The following GPC5 variants were observed in gnomAD, a reference collection of about 807,000 sequenced individuals.
GPC5 encodes glypican 5.
GPC5 carries 47 observed loss-of-function variants against 53.9 expected under a neutral mutation model. The ratio of observed to expected loss-of-function variants is 0.87; its 90% CI spans 0.69 to 1.11. The LOEUF (loss-of-function observed/expected upper bound fraction) is 1.11, where lower values mean the gene tolerates loss of function less well. Ranked by LOEUF, GPC5 falls within the 50% of genes most tolerant of loss-of-function variation. GPC5 has a pLI of 0.00. For missense variants in GPC5, 748 were observed against 713.1 expected (o/e 1.05, Z -0.56); for synonymous variants, 286 against 263.3 (o/e 1.09, Z -0.84).
At chr13:92,027,507 T>C (rs2040809724) in intron 6 of GPC5, among the ~76,000 whole-genome samples, 1 of 152,228 alleles carries the variant, frequency 6.6e-6, no homozygotes, top group Non-Finnish European at 1.5e-5. Context: ...GGACATTCTG[T>C]TCAGTGTTTG....
intron 7 of GPC5, among the ~76,000 whole-genome samples, chr13:92,821,450 C>T (rs1308652678): frequency 6.6e-6 from 1 of 152,064 alleles, no homozygotes; most frequent in Non-Finnish European, 1.5e-5. Context: ...GTCTCCAGTC[C>T]TCTTTTTTCT....
chr13:91,416,802 T>C (rs1878263875), intron 1 of GPC5, among the ~76,000 whole-genome samples: 2 of 152,210 alleles, frequency 1.3e-5, no homozygotes, highest in African/African-American at 4.8e-5. Flanking sequence ...TATGGCTGCA[T>C]AGTATTCCAT....
intron 6 of GPC5, among the ~76,000 whole-genome samples, chr13:91,969,894 A>T (rs2040224833): frequency 1.3e-5 from 2 of 152,168 alleles, no homozygotes; most frequent in South Asian, 4.1e-4. Flanking sequence ...TATGGAGAAA[A>T]GGGACCTCTT....
chr13:92,318,085 T>G (rs1390989103), intron 7 of GPC5, among the ~76,000 whole-genome samples: 5 of 152,216 alleles, frequency 3.3e-5, no homozygotes, highest in African/African-American at 1.2e-4. Flanking sequence ...CAAATCGGAC[T>G]ATTTGAAAAT....
intron 6 of GPC5, among the ~76,000 whole-genome samples, chr13:91,958,453 C>G (rs1361638899): frequency 6.6e-6 from 1 of 151,954 alleles, no homozygotes. Context: ...GCACTCCATT[C>G]TCAGCATTAG....
chr13:92,516,697 CATTTCT>C (rs1880797458), intron 7 of GPC5, among the ~76,000 whole-genome samples: 1 of 152,038 alleles, frequency 6.6e-6, no homozygotes, highest in Non-Finnish European at 1.5e-5. Context: ...TGTGTATTTC[CATTTCT>C]GACTTCTGTG....
chr13:92,090,583 A>C (rs2041372128), intron 6 of GPC5, among the ~76,000 whole-genome samples: 1 of 152,162 alleles, frequency 6.6e-6, no homozygotes, highest in African/African-American at 2.4e-5. Flanking sequence ...TATTGCTTAG[A>C]ATCCACCAAT....
At chr13:92,029,189 T>C (rs916616991) in intron 6 of GPC5, among the ~76,000 whole-genome samples, 10 of 152,148 alleles carry the variant, frequency 6.6e-5, no homozygotes, top group African/African-American at 2.2e-4. Flanking sequence ...CAAGTCATCT[T>C]TGTGAGGAAG....
At chr13:92,453,728 A>T (rs977754972) in intron 7 of GPC5, among the ~76,000 whole-genome samples, 5 of 152,190 alleles carry the variant, frequency 3.3e-5, no homozygotes, top group Non-Finnish European at 7.3e-5. Flanking sequence ...AAATGGAAGC[A>T]TAGCATCAGA....
chr13:92,326,722 G>T (rs1424458851), intron 7 of GPC5, among the ~76,000 whole-genome samples: 1 of 152,106 alleles, frequency 6.6e-6, no homozygotes, highest in Non-Finnish European at 1.5e-5. Flanking sequence ...TTAATACTTG[G>T]TTAAGTCAAG....
intron 7 of GPC5, among the ~76,000 whole-genome samples, chr13:92,227,438 C>G (rs1257408411): frequency 6.6e-6 from 1 of 152,130 alleles, no homozygotes; most frequent in Non-Finnish European, 1.5e-5. Context: ...AACTCAGTGT[C>G]CCCTTCAGTA....
At chr13:91,590,181 C>T (rs1324080323) in intron 2 of GPC5, among the ~76,000 whole-genome samples, 3 of 151,266 alleles carry the variant, frequency 2.0e-5, no homozygotes, top group African/African-American at 4.8e-5. Context: ...AGGAAAAATT[C>T]TTTATTTGAT....
At chr13:92,519,113 C>T (rs920950571) in intron 7 of GPC5, among the ~76,000 whole-genome samples, 2 of 152,118 alleles carry the variant, frequency 1.3e-5, no homozygotes, top group African/African-American at 2.4e-5. Context: ...TGCAGGAGCA[C>T]CCAGATTCAT....
intron 2 of GPC5, among the ~76,000 whole-genome samples, chr13:91,629,711 C>T (rs2034106684): frequency 6.6e-6 from 1 of 152,030 alleles, no homozygotes; most frequent in Non-Finnish European, 1.5e-5. Flanking sequence ...TATAAGAGGA[C>T]ATTCCTACAA....
At chr13:92,017,721 A>G (rs1451694336) in intron 6 of GPC5, among the ~76,000 whole-genome samples, 2 of 152,086 alleles carry the variant, frequency 1.3e-5, no homozygotes, top group Non-Finnish European at 2.9e-5. Flanking sequence ...GCACAAGTAC[A>G]CACACACATG....
chr13:92,778,573 G>A (rs532155486), intron 7 of GPC5, among the ~76,000 whole-genome samples: 58 of 152,254 alleles, frequency 3.8e-4, no homozygotes, highest in African/African-American at 1.3e-3. Context: ...ATATTGTCTT[G>A]ATACTAATTC....
At chr13:92,589,992 A>C (rs1883664267) in intron 7 of GPC5, among the ~76,000 whole-genome samples, 1 of 152,140 alleles carries the variant, frequency 6.6e-6, no homozygotes, top group Non-Finnish European at 1.5e-5. Context: ...ATGAGTGCAT[A>C]ATTAGAGGTT....
intron 6 of GPC5, among the ~76,000 whole-genome samples, chr13:92,036,493 A>G (rs535654988): frequency 2.0e-5 from 3 of 152,256 alleles, no homozygotes; most frequent in Non-Finnish European, 4.4e-5. Context: ...GTCATGCATT[A>G]TAAAAACAGA....
At chr13:92,615,217 C>T (rs1884640803) in intron 7 of GPC5, among the ~76,000 whole-genome samples, 1 of 152,124 alleles carries the variant, frequency 6.6e-6, no homozygotes, top group African/African-American at 2.4e-5. Context: ...GCTTCCTTTA[C>T]CATAGCAGTT....
Sources: gnomAD v4.1 joint callset for allele counts (sites outside exome capture counted in the v4.1 genomes callset) on GRCh38, gnomAD v4.1.1 for gene constraint, MANE v1.5 for transcripts, NCBI Gene and HGNC (gene_info 2026-07-23, HGNC 2026-07-21) for gene names.